The following CFTR variants were observed in gnomAD, a reference collection of about 807,000 sequenced individuals.
The protein encoded by CFTR is CF transmembrane conductance regulator.
Under a neutral mutation model 171.6 loss-of-function variants are expected in CFTR, and 181 were observed. That is an observed-to-expected ratio of 1.05 (90% CI 0.93 to 1.19). The LOEUF (loss-of-function observed/expected upper bound fraction) is 1.19, where lower values mean the gene tolerates loss of function less well. Ranked by LOEUF, CFTR falls within the 50% of genes most tolerant of loss-of-function variation. The probability of loss-of-function intolerance (pLI) is 0.00; values close to 1 mark genes in which losing one functional copy is unlikely to be tolerated. For missense variants in CFTR, 1,968 were observed against 1,734.7 expected (o/e 1.13, Z -2.39); for synonymous variants, 583 against 608.0 (o/e 0.96, Z 0.60).
intron 20 of CFTR, 126 bp downstream of exon 20, chr7:117,611,934 TTTA>T (rs545993906): frequency 5.9e-5 from 37 of 631,902 alleles, no homozygotes; most frequent in African/African-American, 4.5e-4. Context: ...AATTTGTTGG[TTTA>T]TTATTGAACA....
intron 24 of CFTR, among the ~76,000 whole-genome samples, chr7:117,657,871 G>T (rs1001735811): frequency 2.6e-5 from 4 of 152,162 alleles, no homozygotes; most frequent in African/African-American, 9.7e-5. Context: ...TTTATTTCTA[G>T]CTTGGACTTG....
At chr7:117,546,769 C>T (rs1237244191) in intron 9 of CFTR, among the ~76,000 whole-genome samples, 1 of 152,202 alleles carries the variant, frequency 6.6e-6, no homozygotes, top group Non-Finnish European at 1.5e-5. Flanking sequence ...GCCACTCACA[C>T]CATTCCTGAG....
In CFTR at chr7:117,590,341, T is replaced by C; in HGVS notation, c.1680-12T>C. 6.2e-7 allele frequency: 1 copy of C among 1,600,684 alleles called. No individual in the cohort carries two copies. The highest frequency in any genetic ancestry group is 8.5e-7 in the Non-Finnish European group (1 of 1,170,588). ...GAGAGGAAATGTAATTTAATTTCCATTTTCTTTTTAGAGCAGTATACAAAG... is the reference window on the plus strand; with the variant it reads ...GAGAGGAAATGTAATTTAATTTCCACTTTCTTTTTAGAGCAGTATACAAAG... On this transcript the variant is annotated splice_polypyrimidine_tract_variant and intron_variant, in intron 12 of 26. Transcript: ENST00000003084.
intron 7 of CFTR, among the ~76,000 whole-genome samples, chr7:117,538,749 G>A (rs1378464323): frequency 1.0e-5 from 1 of 95,336 alleles, no homozygotes; most frequent in African/African-American, 1.2e-4. Flanking sequence ...TGCTTAAGAT[G>A]GCATAAGCTG....
chr7:117,590,401 A>G lies in CFTR; in HGVS notation c.1728A>G (p.Gly576=). ...ADLYLLDSPF[G]YLDVLTEKEI... is the part of the protein sequence containing the mutation. ...TGTATTTATTAGACTCTCCTTTTGGATACCTAGATGTTTTAACAGAAAAAG... is the reference window on the plus strand; with the variant it reads ...TGTATTTATTAGACTCTCCTTTTGGGTACCTAGATGTTTTAACAGAAAAAG... Residue 576 remains glycine (G), a synonymous_variant, in exon 13 of 27, where the codon GGA becomes GGG. Coordinates refer to ENST00000003084, the MANE Select transcript of CFTR (RefSeq NM_000492.4). 1 of 1,603,458 alleles carries G rather than the reference A, an allele frequency of 6.2e-7. No individual in the cohort carries two copies. The highest frequency in any genetic ancestry group is 8.5e-7 in the Non-Finnish European group (1 of 1,172,446).
intron 1 of CFTR, among the ~76,000 whole-genome samples, chr7:117,491,363 G>T (rs916115565): frequency 1.3e-5 from 2 of 151,970 alleles, no homozygotes; most frequent in African/African-American, 4.8e-5. Context: ...TCATCCTAAC[G>T]TGGAATTTCT....
At chr7:117,619,575 G>C (rs2116109048) in intron 21 of CFTR, among the ~76,000 whole-genome samples, 1 of 152,278 alleles carries the variant, frequency 6.6e-6, no homozygotes, top group East Asian at 1.9e-4. Context: ...GTAGAGAAAA[G>C]GGGAACCTGG....
intron 10 of CFTR, among the ~76,000 whole-genome samples, chr7:117,556,237 G>T (rs1189548913): frequency 1.3e-5 from 2 of 151,630 alleles, no homozygotes; most frequent in Non-Finnish European, 2.9e-5. Flanking sequence ...GCTAATTTTT[G>T]TATTTTTAGT....
In CFTR at chr7:117,602,869, T is replaced by C. The variant is rs1584817367; in HGVS notation, c.2657+6T>C. 1 of 1,610,296 alleles carries C rather than the reference T, an allele frequency of 6.2e-7. No homozygotes were observed. Among genetic ancestry groups the C allele is most frequent in the Non-Finnish European group, 8.5e-7 (1 of 1,176,502 alleles). On this transcript the variant is annotated splice_donor_region_variant and intron_variant, in intron 16 of 26. Coordinates refer to ENST00000003084, the MANE Select transcript of CFTR (RefSeq NM_000492.4). ...GTGCTGTGGCTCCTTGGAAAGTGAG[T>C]ATTCCATGTCCTATTGTGTAGATTG...
At chr7:117,628,387 T>A (rs1792688650) in intron 22 of CFTR, among the ~76,000 whole-genome samples, 1 of 152,184 alleles carries the variant, frequency 6.6e-6, no homozygotes, top group South Asian at 2.1e-4. Context: ...ACAGGGATGG[T>A]CATTATCCAT....
chr7:117,516,689 G>T (rs1798600686), intron 3 of CFTR, among the ~76,000 whole-genome samples: 1 of 152,134 alleles, frequency 6.6e-6, no homozygotes, highest in Admixed American at 6.6e-5. Flanking sequence ...TGGGTACATA[G>T]TAGATGTATA....
intron 11 of CFTR, among the ~76,000 whole-genome samples, chr7:117,581,839 C>T (rs890665206): frequency 6.6e-6 from 1 of 152,142 alleles, no homozygotes; most frequent in Non-Finnish European, 1.5e-5. Flanking sequence ...CAGCCTTGAC[C>T]TCCTGGGCTC....
At chr7:117,564,790 A>T (rs1791574403) in intron 11 of CFTR, 2 of 166,406 alleles carry the variant, frequency 1.2e-5, no homozygotes, top group Non-Finnish European at 2.9e-5. Context: ...GCAGGCAGGT[A>T]AGTGTAAATT....
intron 11 of CFTR, among the ~76,000 whole-genome samples, chr7:117,572,621 T>C (rs1791712351): frequency 6.6e-6 from 1 of 152,142 alleles, no homozygotes; most frequent in Non-Finnish European, 1.5e-5. Context: ...CTTGGCTCTC[T>C]TACGTTCTCT....
intron 1 of CFTR, among the ~76,000 whole-genome samples, chr7:117,501,371 A>G (rs568178468): frequency 6.6e-6 from 1 of 152,208 alleles, no homozygotes; most frequent in African/African-American, 2.4e-5. Context: ...TTGTGAGCTA[A>G]TTGTTAAACA....
intron 11 of CFTR, among the ~76,000 whole-genome samples, chr7:117,577,370 A>G (rs908278138): frequency 6.6e-6 from 1 of 152,178 alleles, no homozygotes. Flanking sequence ...TTTAAGCAGA[A>G]GCGTGACATG....
In CFTR at chr7:117,591,439, T is replaced by C. The variant is rs1792022020; in HGVS notation, c.1767-495T>C. 3.9e-5 allele frequency among the ~76,000 whole-genome samples: 6 copies of C among 152,050 alleles called. No individual in the cohort carries two copies. In the South Asian group the frequency reaches 1.2e-3, roughly 32 times the overall value. ...ATTCTCAGTTGTTATTATTGCTGTT[T>C]TATTTTTAGTGAAACAGATTAGTCT... On this transcript the variant is annotated intron_variant, in intron 13 of 26. Transcript: ENST00000003084.
At chr7:117,585,797 A>G (rs1791924512) in intron 11 of CFTR, among the ~76,000 whole-genome samples, 1 of 152,102 alleles carries the variant, frequency 6.6e-6, no homozygotes, top group South Asian at 2.1e-4. Context: ...GCATGCTACC[A>G]TGCCCAGCTA....
chr7:117,648,900 T>C (rs1051680910), intron 23 of CFTR, among the ~76,000 whole-genome samples: 6 of 151,694 alleles, frequency 4.0e-5, no homozygotes, highest in African/African-American at 9.7e-5. Flanking sequence ...TCAGTTAAAT[T>C]TTTTTTTTCA....
Sources: allele counts gnomAD v4.1 joint callset (sites outside exome capture counted in the v4.1 genomes callset), GRCh38; gene constraint gnomAD v4.1.1; transcripts MANE v1.5; gene names NCBI Gene and HGNC (gene_info 2026-07-23, HGNC 2026-07-21).